CHRNA5: variants seen among roughly 807,000 people sequenced by gnomAD.
CHRNA5 encodes the protein cholinergic receptor nicotinic alpha 5 subunit.
CHRNA5 carries 28 observed loss-of-function variants against 41.2 expected under a neutral mutation model. The ratio of observed to expected loss-of-function variants is 0.68; its 90% CI spans 0.50 to 0.93. The LOEUF (loss-of-function observed/expected upper bound fraction) is 0.93. CHRNA5 is among the 40% of genes least tolerant of loss of function. CHRNA5 has a pLI of 0.00. For missense variants in CHRNA5, 481 were observed against 581.9 expected, an observed-to-expected ratio of 0.83 and a Z score of 1.78; for synonymous variants, 188 against 205.8, an observed-to-expected ratio of 0.91 and a Z score of 0.74.
chr15:78,574,317 T>C (rs1596057370), intron 1 of CHRNA5, among the ~76,000 whole-genome samples: 1 of 148,366 alleles, frequency 6.7e-6, no homozygotes, highest in Non-Finnish European at 1.5e-5. Context: ...GAGGTGGAGG[T>C]TGCAGTGAGC....
chr15:78,574,660 A>G (rs536654422), intron 1 of CHRNA5, among the ~76,000 whole-genome samples: 1 of 152,290 alleles, frequency 6.6e-6, no homozygotes, highest in South Asian at 2.1e-4. Context: ...ACATATTGCT[A>G]ACAGATATCC....
Position 78,581,714 on chromosome 15 carries a change from CTG to C in CHRNA5, c.258+754_258+755del, listed in dbSNP as rs745674881. The stretch of plus-strand genomic sequence containing the variant: ...ATACAAATGAGAAAATAAAAAGTGA[CTG>C]TAATTCTACTACCCGGAGATGACTA... On this transcript the variant is annotated intron_variant, in intron 2 of 5. Coordinates refer to ENST00000299565, the Ensembl canonical transcript of CHRNA5. Among the ~76,000 whole-genome samples, 25 of 152,246 alleles carry C rather than the reference CTG, an allele frequency of 1.6e-4. No individual in the cohort carries two copies. In the East Asian group the frequency reaches 4.6e-3, roughly 28 times the overall value.
At chr15:78,567,695 C>T (rs991240923) in intron 1 of CHRNA5, among the ~76,000 whole-genome samples, 3 of 152,218 alleles carry the variant, frequency 2.0e-5, no homozygotes, top group African/African-American at 4.8e-5. Flanking sequence ...TGAAGGTTTG[C>T]GGAAGGAAGG....
chr15:78,592,773 A>G (rs1320688914), intron 5 of CHRNA5, among the ~76,000 whole-genome samples: 1 of 151,640 alleles, frequency 6.6e-6, no homozygotes, highest in East Asian at 1.9e-4. Context: ...AAGAATAAGT[A>G]TATATAGTAA....
chr15:78,586,096 C>A (rs907746673), intron 2 of CHRNA5, among the ~76,000 whole-genome samples: 1 of 152,060 alleles, frequency 6.6e-6, no homozygotes, highest in Non-Finnish European at 1.5e-5. Flanking sequence ...GCCCAGCCCT[C>A]AATGTTGTTT....
intron 1 of CHRNA5, among the ~76,000 whole-genome samples, chr15:78,579,053 T>G (rs939231341): frequency 6.6e-6 from 1 of 151,886 alleles, no homozygotes; most frequent in Admixed American, 6.6e-5. Context: ...TTTTTTTTTT[T>G]TTAACAACTT....
intron 1 of CHRNA5, among the ~76,000 whole-genome samples, chr15:78,580,294 A>AAG: frequency 6.6e-6 from 1 of 151,728 alleles, no homozygotes; most frequent in East Asian, 1.9e-4. Flanking sequence ...AAAAAAAAAA[A>AAG]AAAAAAAAGA....
chr15:78,576,438 G>A (rs1251897327), intron 1 of CHRNA5, among the ~76,000 whole-genome samples: 1 of 152,136 alleles, frequency 6.6e-6, no homozygotes, highest in East Asian at 1.9e-4. Context: ...GAGCCACCGC[G>A]CCTGGCCCAA....
intron 1 of CHRNA5, among the ~76,000 whole-genome samples, chr15:78,569,294 TAGTTC>T (rs1183965046): frequency 1.3e-5 from 2 of 152,198 alleles, no homozygotes; most frequent in African/African-American, 4.8e-5. Flanking sequence ...TATGAAGTTT[TAGTTC>T]AGTAATTTCA....
At chr15:78,576,739 C>G (rs990248259) in intron 1 of CHRNA5, among the ~76,000 whole-genome samples, 2 of 148,410 alleles carry the variant, frequency 1.3e-5, no homozygotes, top group African/African-American at 2.5e-5. Flanking sequence ...TTCCAGGCTG[C>G]AGTGAGCCGT....
intron 1 of CHRNA5, among the ~76,000 whole-genome samples, chr15:78,568,625 C>T (rs2052771320): frequency 6.6e-6 from 1 of 152,068 alleles, no homozygotes; most frequent in Non-Finnish European, 1.5e-5. Context: ...TAATGCTCTC[C>T]CTCCCCTTGC....
At chr15:78,577,406 C>T (rs975269161) in intron 1 of CHRNA5, among the ~76,000 whole-genome samples, 1 of 152,122 alleles carries the variant, frequency 6.6e-6, no homozygotes, top group Non-Finnish European at 1.5e-5. Flanking sequence ...GCTAAGATAC[C>T]TTTGACATTT....
intron 1 of CHRNA5, among the ~76,000 whole-genome samples, chr15:78,567,252 CAAAAA>C (rs201126738): frequency 3.8e-5 from 3 of 78,738 alleles, no homozygotes; most frequent in South Asian, 4.0e-4. Flanking sequence ...GACTCCGTCT[CAAAAA>C]AAAAAAAAAA....
intron 1 of CHRNA5, among the ~76,000 whole-genome samples, chr15:78,579,389 G>T (rs947837489): frequency 1.3e-5 from 2 of 152,128 alleles, no homozygotes; most frequent in African/African-American, 4.8e-5. Flanking sequence ...AAGTAGCTGG[G>T]ATTACAGGCG....
At chr15:78,572,690 T>C (rs1378414392) in intron 1 of CHRNA5, among the ~76,000 whole-genome samples, 2 of 152,014 alleles carry the variant, frequency 1.3e-5, no homozygotes, top group African/African-American at 4.8e-5. Context: ...TCCATGTTGG[T>C]CATACTGGTC....
chr15:78,590,063 A>G, exon 5 of CHRNA5: 3 of 1,614,234 alleles, frequency 1.9e-6, no homozygotes, highest in Middle Eastern at 1.6e-4. Context: ...TGAGTGCAAC[A>G]GGGAGCAAAG....
rs1199376815 is a variant in CHRNA5 at position 78,588,883 on chromosome 15, G to A, written c.413+460G>A. On this transcript the variant is annotated intron_variant, in intron 4 of 5. Transcript: ENST00000299565. This position sits in a 1 kb window ranked among gnomAD's most constrained non-coding sequence, Gnocchi z 4.1. ...GCATCCTACCTAGGTGTGTTTTGAGGATTTTTTTTTTTTTAACTTAGGGGA... is the reference window on the plus strand; with the variant it reads ...GCATCCTACCTAGGTGTGTTTTGAGAATTTTTTTTTTTTTAACTTAGGGGA... Among the ~76,000 whole-genome samples, 1 of 88,766 alleles carries A rather than the reference G, an allele frequency of 1.1e-5. No individual in the cohort carries two copies. The highest frequency in any genetic ancestry group is 1.5e-4 in the Admixed American group (1 of 6,698). 58.2% of individuals were successfully genotyped at this position (88,766 alleles called of 152,430 possible). A position where few individuals can be genotyped will look rare whatever the true frequency, so the allele number is the denominator to read the frequency against.
intron 2 of CHRNA5, among the ~76,000 whole-genome samples, chr15:78,585,784 T>TTTC (rs2052954534): frequency 1.2e-5 from 1 of 81,442 alleles, no homozygotes; most frequent in Non-Finnish European, 2.4e-5. Context: ...TTTCTTTTCT[T>TTTC]TTCTTTCTTT....
At chr15:78,593,121 G>A (rs2053037747) in exon 6 of CHRNA5, 8 of 1,611,456 alleles carry the variant, frequency 5.0e-6, no homozygotes, top group East Asian at 2.2e-5. Flanking sequence ...TCATAGCCCA[G>A]GTTCTTGATC....
Sources: gnomAD v4.1 joint callset for allele counts (sites outside exome capture counted in the v4.1 genomes callset) on GRCh38, gnomAD v4.1.1 for gene constraint, Gnocchi (gnomAD v3.1) non-coding constraint, MANE v1.5 for transcripts, NCBI Gene and HGNC (gene_info 2026-07-23, HGNC 2026-07-21) for gene names.